The following BLTP3A variants were observed in gnomAD, a reference collection of about 807,000 sequenced individuals.
BLTP3A encodes ICBP90 binding protein 1.
At chr6:34,856,089 C>CTA in the BLTP3A span, 1 of 1,204,674 alleles carries the variant, frequency 8.3e-7, no homozygotes, top group Non-Finnish European at 1.2e-6. Flanking sequence ...AATGTGCAAC[C>CTA]TATCATTGGA....
chr6:34,864,092 ATC>A, the BLTP3A span: 1 of 1,614,074 alleles, frequency 6.2e-7, no homozygotes, highest in Non-Finnish European at 8.5e-7. Context: ...AGAGGACGGT[ATC>A]TCAACAGTCA....
chr6:34,851,410 G>A, the BLTP3A span, among the ~76,000 whole-genome samples: 1 of 152,158 alleles, frequency 6.6e-6, no homozygotes, highest in African/African-American at 2.4e-5. Context: ...TTGCCTTGGT[G>A]GTCTTGGGTA....
At chr6:34,797,527 G>A in the BLTP3A span, among the ~76,000 whole-genome samples, 1 of 152,144 alleles carries the variant, frequency 6.6e-6, no homozygotes, top group Non-Finnish European at 1.5e-5. Context: ...CTTTTCCAAG[G>A]TCACTTAGGT....
At chr6:34,802,373 AT>A in the BLTP3A span, among the ~76,000 whole-genome samples, 319 of 139,470 alleles carry the variant, frequency 2.3e-3, no homozygotes, top group Middle Eastern at 3.7e-3. Context: ...AGCCCGGCTA[AT>A]TTTTTTTTTT....
At chr6:34,843,871 G>C in the BLTP3A span, among the ~76,000 whole-genome samples, 1 of 151,432 alleles carries the variant, frequency 6.6e-6, no homozygotes, top group African/African-American at 2.4e-5. Flanking sequence ...ACAGTGTCCA[G>C]GGGTTCCCTT....
chr6:34,816,515 AT>A, the BLTP3A span, among the ~76,000 whole-genome samples: 66,454 of 151,902 alleles, frequency 0.44, 16,331 homozygotes, highest in African/African-American at 0.67. Context: ...GGAGGCTGAG[AT>A]TGGGAGGGTC....
At chr6:34,828,789 A>G in the BLTP3A span, among the ~76,000 whole-genome samples, 5 of 152,058 alleles carry the variant, frequency 3.3e-5, no homozygotes, top group African/African-American at 1.2e-4. Context: ...GCACTTTAAG[A>G]GGCCGAGGTG....
At chr6:34,816,215 C>G in the BLTP3A span, among the ~76,000 whole-genome samples, 6 of 152,160 alleles carry the variant, frequency 3.9e-5, no homozygotes, top group Non-Finnish European at 5.9e-5. Flanking sequence ...AACAGTATAA[C>G]TTATTCTTGA....
the BLTP3A span, chr6:34,877,135 GT>G: frequency 1.7e-3 from 255 of 152,750 alleles, no homozygotes; most frequent in African/African-American, 5.8e-3. Context: ...AAAGCCATGG[GT>G]TTTAATGTAA....
At chr6:34,834,534 T>C in the BLTP3A span, 4 of 1,402,180 alleles carry the variant, frequency 2.9e-6, no homozygotes, top group East Asian at 7.1e-5. Context: ...CCCAGAGGCC[T>C]TTCTGTCCAG....
At chr6:34,826,421 C>T in the BLTP3A span, among the ~76,000 whole-genome samples, 10,109 of 148,356 alleles carry the variant, frequency 0.068, 545 homozygotes, top group East Asian at 0.33. Context: ...TGCGGTGGTG[C>T]AGTCACGGCT....
the BLTP3A span, among the ~76,000 whole-genome samples, chr6:34,823,981 C>T: frequency 6.6e-6 from 1 of 151,466 alleles, no homozygotes; most frequent in Non-Finnish European, 1.5e-5. Context: ...CTCACCCTGT[C>T]ACCCAGCCTG....
At chr6:34,862,839 A>C in the BLTP3A span, among the ~76,000 whole-genome samples, 1 of 151,622 alleles carries the variant, frequency 6.6e-6, no homozygotes, top group Non-Finnish European at 1.5e-5. Flanking sequence ...ATCTCAAAAA[A>C]AAAAAAAACC....
At chr6:34,859,504 G>A in the BLTP3A span, 2 of 1,614,178 alleles carry the variant, frequency 1.2e-6, no homozygotes, top group Non-Finnish European at 1.7e-6. Context: ...GACTAAGGAT[G>A]CCTTCAGTTT....
the BLTP3A span, among the ~76,000 whole-genome samples, chr6:34,813,092 AG>A: frequency 6.6e-6 from 1 of 152,230 alleles, no homozygotes; most frequent in African/African-American, 2.4e-5. Context: ...TATTTCTCCC[AG>A]GAGGGTTCAA....
the BLTP3A span, among the ~76,000 whole-genome samples, chr6:34,795,258 C>A: frequency 6.6e-6 from 1 of 151,754 alleles, no homozygotes; most frequent in Non-Finnish European, 1.5e-5. Flanking sequence ...TTAAAAATTT[C>A]TTTGTAGAGA....
the BLTP3A span, chr6:34,867,401 T>C: frequency 1.9e-6 from 3 of 1,613,540 alleles, no homozygotes; most frequent in Non-Finnish European, 2.5e-6. Context: ...TACTTTCTTC[T>C]CTGCAGAGGG....
the BLTP3A span, among the ~76,000 whole-genome samples, chr6:34,870,693 A>G: frequency 4.4e-4 from 67 of 152,118 alleles, no homozygotes; most frequent in African/African-American, 1.4e-3. Flanking sequence ...GCTACTTACT[A>G]ATTATGTAAT....
At chr6:34,867,375 AC>A in the BLTP3A span, 1 of 1,614,024 alleles carries the variant, frequency 6.2e-7, no homozygotes, top group Non-Finnish European at 8.5e-7. Context: ...CTCATCTTTC[AC>A]CCGGTCAGCA....
Sources: gnomAD v4.1 joint callset for allele counts (sites outside exome capture counted in the v4.1 genomes callset) on GRCh38, gnomAD v4.1.1 for gene constraint, MANE v1.5 for transcripts, NCBI Gene and HGNC (gene_info 2026-07-23, HGNC 2026-07-21) for gene names.